CDH12: variants seen among roughly 807,000 people sequenced by gnomAD.
CDH12 encodes the protein cadherin-12.
Under a neutral mutation model 74.1 loss-of-function variants are expected in CDH12, and 41 were observed. The ratio of observed to expected loss-of-function variants is 0.55; its 90% confidence interval spans 0.43 to 0.72. The LOEUF (loss-of-function observed/expected upper bound fraction) is 0.72. Among genes scored for constraint, CDH12 ranks in the 30% least tolerant of loss-of-function variants. The pLI is 0.00. For missense variants in CDH12, 945 were observed against 977.2 expected (o/e 0.97, Z 0.44); for synonymous variants, 399 against 355.0 (o/e 1.12, Z -1.39).
chr5:22,700,119 A>G (rs1177182312), intron 1 of CDH12, among the ~76,000 whole-genome samples: 1 of 152,100 alleles, frequency 6.6e-6, no homozygotes, highest in Non-Finnish European at 1.5e-5. Context: ...ATGAGCCGAG[A>G]TTGTACCACT....
rs76346019 is a variant in CDH12, at chr5:22,278,641, G to A, written c.-332-65998C>T. 8.0e-3 allele frequency among the ~76,000 whole-genome samples: 1,214 copies of A among 151,618 alleles called. 18 individuals are homozygous for A. The highest frequency in any genetic ancestry group is 0.028 in the African/African-American group (1,143 of 41,312). ...AGAATATATAAATGCTTTCTTAACC[G>A]TGATATACATATTAATTATTACCCA... On this transcript the variant is annotated intron_variant, in intron 3 of 14. Transcript: ENST00000382254.
intron 1 of CDH12, among the ~76,000 whole-genome samples, chr5:22,610,211 T>C (rs969981753): frequency 3.3e-5 from 5 of 152,296 alleles, no homozygotes; most frequent in Admixed American, 6.5e-5. Context: ...TTGAAAAGTA[T>C]GCAAAAAGCT....
chr5:21,881,613 T>C (rs534850009), intron 6 of CDH12, among the ~76,000 whole-genome samples: 24 of 152,322 alleles, frequency 1.6e-4, no homozygotes, highest in African/African-American at 5.5e-4. Flanking sequence ...AAATTTGGAA[T>C]TGAACTTTCT....
intron 8 of CDH12, among the ~76,000 whole-genome samples, chr5:21,833,921 A>C (rs1749384090): frequency 6.6e-6 from 1 of 151,942 alleles, no homozygotes; most frequent in African/African-American, 2.4e-5. Context: ...TACCTTCAGC[A>C]TGTATTCATT....
At chr5:22,130,571 G>C (rs1485466746) in intron 4 of CDH12, among the ~76,000 whole-genome samples, 1 of 151,982 alleles carries the variant, frequency 6.6e-6, no homozygotes, top group Non-Finnish European at 1.5e-5. Context: ...AAGGGAATGA[G>C]AGGACAAATT....
intron 6 of CDH12, among the ~76,000 whole-genome samples, chr5:21,856,392 GAT>G (rs1363100842): frequency 6.6e-6 from 1 of 151,556 alleles, no homozygotes; most frequent in African/African-American, 2.4e-5. Flanking sequence ...CCTAATTCTG[GAT>G]ATAAATATTA....
At chr5:22,438,141 A>C (rs1490494372) in intron 2 of CDH12, among the ~76,000 whole-genome samples, 3 of 152,048 alleles carry the variant, frequency 2.0e-5, no homozygotes, top group Non-Finnish European at 4.4e-5. Context: ...TTCAAAAATT[A>C]CTTCTCCCAG....
At chr5:22,070,277 A>G (rs1741857094) in intron 5 of CDH12, among the ~76,000 whole-genome samples, 1 of 152,156 alleles carries the variant, frequency 6.6e-6, no homozygotes, top group Non-Finnish European at 1.5e-5. Context: ...TGCATGCAAG[A>G]CAGTTATATT....
chr5:22,147,101 G>A (rs1255109256), intron 4 of CDH12, among the ~76,000 whole-genome samples: 8 of 152,084 alleles, frequency 5.3e-5, no homozygotes, highest in Admixed American at 4.6e-4. Flanking sequence ...TTTATCTACT[G>A]TGATAATTAA....
chr5:22,816,744 CATT>C (rs1284904590), intron 1 of CDH12, among the ~76,000 whole-genome samples: 8 of 152,120 alleles, frequency 5.3e-5, no homozygotes, highest in African/African-American at 1.7e-4. Context: ...AGAATGAACT[CATT>C]TGGTCCAATC....
chr5:22,366,204 G>A (rs1314961356), intron 3 of CDH12, among the ~76,000 whole-genome samples: 4 of 151,982 alleles, frequency 2.6e-5, no homozygotes, highest in Non-Finnish European at 5.9e-5. Flanking sequence ...TGATCCACCT[G>A]TCTTGGCTTC....
At chr5:21,952,650 A>G (rs1430002559) in intron 6 of CDH12, among the ~76,000 whole-genome samples, 2 of 152,194 alleles carry the variant, frequency 1.3e-5, no homozygotes, top group Non-Finnish European at 2.9e-5. Context: ...ATGGGATGAA[A>G]GTCTTCAGGA....
chr5:22,408,948 A>G (rs1379848295), intron 2 of CDH12, among the ~76,000 whole-genome samples: 1 of 152,038 alleles, frequency 6.6e-6, no homozygotes, highest in Non-Finnish European at 1.5e-5. Flanking sequence ...TTCTACAATA[A>G]GGCATACTGA....
chr5:22,125,985 G>T (rs1745838394), intron 4 of CDH12, among the ~76,000 whole-genome samples: 8 of 104,922 alleles, frequency 7.6e-5, no homozygotes, highest in Non-Finnish European at 1.5e-4. Context: ...AATCTATTGT[G>T]TATTTCATTC....
chr5:22,760,929 C>G (rs954948907), intron 1 of CDH12, among the ~76,000 whole-genome samples: 1 of 152,020 alleles, frequency 6.6e-6, no homozygotes, highest in African/African-American at 2.4e-5. Flanking sequence ...TTTTTATTGA[C>G]AATTATTTTG....
intron 5 of CDH12, among the ~76,000 whole-genome samples, chr5:22,014,230 T>A (rs1297476311): frequency 6.6e-6 from 1 of 152,028 alleles, no homozygotes; most frequent in Non-Finnish European, 1.5e-5. Context: ...GACTCCTCCG[T>A]CTCAAAAAGC....
At chr5:22,047,488 T>G (rs1013983508) in intron 5 of CDH12, among the ~76,000 whole-genome samples, 1 of 152,096 alleles carries the variant, frequency 6.6e-6, no homozygotes, top group African/African-American at 2.4e-5. Flanking sequence ...ATATTTTATA[T>G]GCAGGTATAA....
chr5:22,658,827 T>G (rs907297972), intron 1 of CDH12, among the ~76,000 whole-genome samples: 3 of 152,184 alleles, frequency 2.0e-5, no homozygotes, highest in Non-Finnish European at 4.4e-5. Flanking sequence ...AAGTGAGAAC[T>G]GCTTTTCTCC....
chr5:22,514,911 TTA>T (rs1736746631), intron 1 of CDH12, among the ~76,000 whole-genome samples: 1 of 152,172 alleles, frequency 6.6e-6, no homozygotes, highest in Non-Finnish European at 1.5e-5. Context: ...AGAGATGTGA[TTA>T]TGTTTTACTT....
Sources: gnomAD v4.1 joint callset for allele counts (sites outside exome capture counted in the v4.1 genomes callset) on GRCh38, gnomAD v4.1.1 for gene constraint, MANE v1.5 for transcripts, NCBI Gene and HGNC (gene_info 2026-07-23, HGNC 2026-07-21) for gene names.